Variants in NEDD4L observed in about 807,000 individuals in gnomAD.
The protein encoded by NEDD4L is NEDD4 like E3 ubiquitin protein ligase.
NEDD4L carries 54 observed loss-of-function variants against 148.9 expected under a neutral mutation model. The observed-to-expected ratio is 0.36, with a 90% confidence interval of 0.29 to 0.45. NEDD4L has a LOEUF of 0.45. Among genes scored for constraint, NEDD4L ranks in the 20% least tolerant of loss-of-function variants. The pLI is 1.00. For missense variants in NEDD4L, 856 were observed against 1,233.8 expected, an observed-to-expected ratio of 0.69 and a Z score of 4.59; for synonymous variants, 433 against 440.7, an observed-to-expected ratio of 0.98 and a Z score of 0.22.
chr18:58,355,939 A>G (rs186049503), intron 18 of NEDD4L, among the ~76,000 whole-genome samples: 1 of 152,282 alleles, frequency 6.6e-6, no homozygotes, highest in East Asian at 1.9e-4. Context: ...CAGAAAATAA[A>G]CAGAATCAAT....
Position 58,256,623 on chromosome 18 carries a change from A to T in NEDD4L, c.297+4569A>T. 2 of 1,232,228 alleles carry T rather than the reference A, an allele frequency of 1.6e-6. No homozygotes were observed. The highest frequency in any genetic ancestry group is 8.2e-5 in the South Asian group (2 of 24,322). The allele number at this position is 1,232,228 out of a possible 1,614,324, so 76.3% of individuals were successfully genotyped here. A position where few individuals can be genotyped will look rare whatever the true frequency, so the allele number is the denominator to read the frequency against. On this transcript the variant is annotated intron_variant, in intron 5 of 30. Transcript: ENST00000400345. The surrounding 1 kb of genome is among the most constrained non-coding windows in gnomAD (Gnocchi z 5.2). ...ACGAACTCCGCGGAGAGGACTCCGC[A>T]GGGCCAGGGGTGCACATTTAAGATC...
intron 2 of NEDD4L, among the ~76,000 whole-genome samples, chr18:58,186,925 C>T (rs541930318): frequency 2.6e-5 from 4 of 152,346 alleles, no homozygotes; most frequent in East Asian, 3.9e-4. Flanking sequence ...AGTAAATGAT[C>T]GGGTTCTCAC....
chr18:58,195,926 C>T (rs2040636066), intron 2 of NEDD4L, among the ~76,000 whole-genome samples: 1 of 152,188 alleles, frequency 6.6e-6, no homozygotes, highest in African/African-American at 2.4e-5. Context: ...CAAAAGGCGG[C>T]ACAGTGAAAA....
chr18:58,059,511 A>G (rs899666891), intron 1 of NEDD4L, among the ~76,000 whole-genome samples: 1 of 152,124 alleles, frequency 6.6e-6, no homozygotes, highest in African/African-American at 2.4e-5. Flanking sequence ...CTGCCTGGCT[A>G]AGAAGGGCAG....
At chr18:58,116,841 C>A (rs939421194) in intron 1 of NEDD4L, among the ~76,000 whole-genome samples, 2 of 152,244 alleles carry the variant, frequency 1.3e-5, no homozygotes, top group East Asian at 3.8e-4. Context: ...TTGGACTGAT[C>A]TCCTTGTGAA....
intron 1 of NEDD4L, among the ~76,000 whole-genome samples, chr18:58,089,126 A>ATTTTTT (rs570623396): frequency 1.0e-3 from 104 of 100,904 alleles, no homozygotes; most frequent in Middle Eastern, 7.7e-3. Flanking sequence ...TTATTTCATA[A>ATTTTTT]TTTTTTTTTT....
intron 8 of NEDD4L, among the ~76,000 whole-genome samples, chr18:58,324,489 A>G (rs528530384): frequency 6.6e-6 from 1 of 152,338 alleles, no homozygotes; most frequent in African/African-American, 2.4e-5. Flanking sequence ...GGGGAGCAAC[A>G]GGACTCTGGG....
chr18:58,056,721 C>T (rs2082101792), intron 1 of NEDD4L, among the ~76,000 whole-genome samples: 2 of 152,206 alleles, frequency 1.3e-5, no homozygotes, highest in South Asian at 4.2e-4. Context: ...GCTGGGACTA[C>T]AGGCATGTAC....
At chr18:58,298,094 A>G (rs1335594951) in intron 5 of NEDD4L, among the ~76,000 whole-genome samples, 1 of 152,246 alleles carries the variant, frequency 6.6e-6, no homozygotes, top group Non-Finnish European at 1.5e-5. Context: ...GTGATACTAC[A>G]TGAGAATAAA....
In NEDD4L at chr18:58,333,702, T is replaced by A. The variant is rs117675563; in HGVS notation, c.991-116T>A. 8.7e-3 allele frequency: 6,202 copies of A among 714,646 alleles called. 52 individuals are homozygous for A. Among genetic ancestry groups the A allele is most frequent in the Non-Finnish European group, 0.013 (5,064 of 396,692 alleles). 44.3% of individuals were successfully genotyped at this position (714,646 alleles called of 1,614,324 possible). On this transcript the variant is annotated intron_variant, in intron 11 of 30. Transcript: ENST00000400345. Reference sequence around the variant, plus strand: ...GCTCTGAAAAGATGTTTCATTTAATTACCTTCTAATATCGAAGAGCGGTGA... The same window carrying A: ...GCTCTGAAAAGATGTTTCATTTAATAACCTTCTAATATCGAAGAGCGGTGA...
At chr18:58,197,226 T>G (rs2040817611) in intron 2 of NEDD4L, among the ~76,000 whole-genome samples, 1 of 152,094 alleles carries the variant, frequency 6.6e-6, no homozygotes, top group African/African-American at 2.4e-5. Context: ...ATGTTTCTGT[T>G]GAGAGATGGA....
At position 58,353,507 on chromosome 18, in the gene NEDD4L, GCTACGTTT is replaced by G. The variant is rs542116638; in HGVS notation, c.1708+2467_1708+2474del. ...TACGAGTGCCTCCTTAGCTGTTCAT[GCTACGTTT>G]CTACCATCGCTCCATAATTCATCAA... On this transcript the variant is annotated intron_variant, in intron 18 of 30. Transcript: ENST00000400345. 5.4e-4 allele frequency among the ~76,000 whole-genome samples: 82 copies of G among 152,348 alleles called. No individual in the cohort carries two copies. The East Asian group carries it at 0.013, about 23-fold the overall frequency.
intron 2 of NEDD4L, among the ~76,000 whole-genome samples, chr18:58,182,304 T>A (rs1343417243): frequency 6.6e-6 from 1 of 152,096 alleles, no homozygotes. Context: ...TCCTTTAACA[T>A]CTCTTAATGT....
intron 1 of NEDD4L, among the ~76,000 whole-genome samples, chr18:58,159,355 G>A (rs1428897136): frequency 3.3e-5 from 5 of 152,160 alleles, no homozygotes; most frequent in Non-Finnish European, 7.3e-5. Context: ...AACTCAAGGA[G>A]TGTACAACAC....
rs557770448 is a variant in NEDD4L, at chr18:58,138,043, T to G, written c.49-27745T>G. Among the ~76,000 whole-genome samples the G allele has an allele frequency of 2.0e-5, 3 of 152,312 alleles. No individual in the cohort carries two copies. In the East Asian group the frequency reaches 5.8e-4, roughly 29 times the overall value. On this transcript the variant is annotated intron_variant, in intron 1 of 30. Transcript: ENST00000400345. The stretch of plus-strand genomic sequence containing the variant: ...CCTGGGCAGGGCCCCGGGTCTGCCA[T>G]CACCCAGCCCATGCTCTCCTGCCGC...
intron 5 of NEDD4L, among the ~76,000 whole-genome samples, chr18:58,261,572 A>G (rs1292318616): frequency 6.6e-6 from 1 of 152,238 alleles, no homozygotes; most frequent in Non-Finnish European, 1.5e-5. Flanking sequence ...ATAAATCTCT[A>G]ATTTTATAAT....
chr18:58,360,900 A>G (rs985031275), intron 19 of NEDD4L, among the ~76,000 whole-genome samples: 1 of 152,152 alleles, frequency 6.6e-6, no homozygotes, highest in Non-Finnish European at 1.5e-5. Context: ...CCCAGTCAGT[A>G]TAACTGTGGA....
chr18:58,081,644 T>C (rs1295070877), intron 1 of NEDD4L, among the ~76,000 whole-genome samples: 2 of 152,206 alleles, frequency 1.3e-5, no homozygotes, highest in African/African-American at 4.8e-5. Flanking sequence ...GAATCTCGTA[T>C]CTTTTCCTGC....
intron 5 of NEDD4L, among the ~76,000 whole-genome samples, chr18:58,276,422 T>C (rs1337163454): frequency 6.6e-6 from 1 of 152,030 alleles, no homozygotes; most frequent in Non-Finnish European, 1.5e-5. Context: ...TTGGCCAGGC[T>C]GGTCTTGAAC....
Sources: allele counts gnomAD v4.1 joint callset (sites outside exome capture counted in the v4.1 genomes callset), GRCh38; gene constraint gnomAD v4.1.1; non-coding constraint Gnocchi (gnomAD v3.1); transcripts MANE v1.5; gene names NCBI Gene and HGNC (gene_info 2026-07-23, HGNC 2026-07-21).